Variants in SEL1L2 observed in about 807,000 individuals in gnomAD.
SEL1L2 encodes protein sel-1 homolog 2.
SEL1L2 carries 89 observed loss-of-function variants against 98.8 expected under a neutral mutation model. That is an observed-to-expected ratio of 0.90 (90% CI 0.76 to 1.07). The LOEUF (loss-of-function observed/expected upper bound fraction) is 1.07. SEL1L2 is among the 50% of genes least tolerant of loss of function. SEL1L2 has a pLI of 0.00. For missense variants in SEL1L2, 788 were observed against 812.0 expected, an observed-to-expected ratio of 0.97 and a Z score of 0.36; for synonymous variants, 262 against 278.5, an observed-to-expected ratio of 0.94 and a Z score of 0.59.
intron 2 of SEL1L2, among the ~76,000 whole-genome samples, chr20:13,946,721 T>C (rs2050028851): frequency 6.6e-6 from 1 of 152,192 alleles, no homozygotes; most frequent in South Asian, 2.1e-4. Context: ...ATCCCTGTGC[T>C]CTTGGGGCGA....
At chr20:13,886,660 G>A (rs1480266372) in intron 8 of SEL1L2, among the ~76,000 whole-genome samples, 1 of 152,092 alleles carries the variant, frequency 6.6e-6, no homozygotes, top group Non-Finnish European at 1.5e-5. Context: ...GGCAGAGGCG[G>A]GCAAATCACT....
chr20:13,988,436 A>C (rs1165785261), intron 1 of SEL1L2, among the ~76,000 whole-genome samples: 1 of 152,006 alleles, frequency 6.6e-6, no homozygotes, highest in African/African-American at 2.4e-5. Context: ...CTCCTCCTGC[A>C]CCTCCCACAC....
At chr20:13,990,012 T>C (rs907936935) in intron 1 of SEL1L2, among the ~76,000 whole-genome samples, 3 of 152,292 alleles carry the variant, frequency 2.0e-5, no homozygotes, top group East Asian at 3.9e-4. Context: ...CATTTTCAGA[T>C]AGTAACTATT....
At position 13,990,471 on chromosome 20, in the gene SEL1L2, A is replaced by C. The variant is rs1180213004; in HGVS notation, c.58+6T>G. 4.4e-6 allele frequency: 7 copies of C among 1,605,060 alleles called. No individual in the cohort carries two copies. In the South Asian group the frequency reaches 5.5e-5, roughly 13 times the overall value. ...CATAGAGAACTCTAAGGACAAAAAA[A>C]CTTACTTTTAATTGTGACCCCAAGA... is the stretch of plus-strand genomic sequence containing the variant. On this transcript the variant is annotated splice_donor_region_variant and intron_variant, in intron 1 of 19. Coordinates refer to ENST00000284951, the MANE Select transcript of SEL1L2 (RefSeq NM_025229.2).
chr20:13,956,022 G>A, intron 2 of SEL1L2, 54 bp downstream of exon 2: 1 of 938,942 alleles, frequency 1.1e-6, no homozygotes, highest in Non-Finnish European at 1.7e-6. Context: ...AAAAACTAGT[G>A]CCTATAGCCT....
At chr20:13,928,695 A>G (rs776518482) in intron 3 of SEL1L2, among the ~76,000 whole-genome samples, 1 of 152,228 alleles carries the variant, frequency 6.6e-6, no homozygotes, top group Non-Finnish European at 1.5e-5. Flanking sequence ...AATGACAGAA[A>G]GCTAGGAGAG....
intron 1 of SEL1L2, among the ~76,000 whole-genome samples, chr20:13,974,759 C>A (rs1169541496): frequency 6.6e-6 from 1 of 152,130 alleles, no homozygotes; most frequent in East Asian, 1.9e-4. Context: ...TGAGCCACTG[C>A]ACCAGGGCTC....
intron 1 of SEL1L2, among the ~76,000 whole-genome samples, chr20:13,989,320 T>C (rs1279406154): frequency 6.6e-6 from 1 of 152,218 alleles, no homozygotes; most frequent in Admixed American, 6.5e-5. Context: ...TTTGTATTTA[T>C]CCTGCATTTG....
intron 18 of SEL1L2, among the ~76,000 whole-genome samples, chr20:13,851,001 C>T (rs575016690): frequency 1.3e-5 from 2 of 152,198 alleles, no homozygotes; most frequent in South Asian, 4.2e-4. Flanking sequence ...CTTTGGGAGG[C>T]CAAGGCAGGT....
chr20:13,951,296 A>AG (rs1555894195), intron 2 of SEL1L2, among the ~76,000 whole-genome samples: 3 of 12,506 alleles, frequency 2.4e-4, no homozygotes, highest in African/African-American at 5.3e-4. Flanking sequence ...AAAAAAAAAA[A>AG]AAAGAAAGAA....
At chr20:13,995,324 CCA>C (rs1253306904), upstream of SEL1L2, 3 of 265,992 alleles carry the variant, frequency 1.1e-5, no homozygotes, top group Admixed American at 5.7e-5. This position sits in a 1 kb window ranked among gnomAD's most constrained non-coding sequence, Gnocchi z 4.3. Context: ...TCCGCCCCCT[CCA>C]GCTCCCTAGC....
intron 10 of SEL1L2, among the ~76,000 whole-genome samples, chr20:13,880,116 T>C (rs1417679570): frequency 2.0e-5 from 3 of 152,248 alleles, no homozygotes; most frequent in Non-Finnish European, 4.4e-5. Context: ...TGTATGAATG[T>C]CTATCCATCT....
At chr20:13,914,223 C>A (rs2327807) in intron 4 of SEL1L2, among the ~76,000 whole-genome samples, 14,661 of 152,072 alleles carry the variant, frequency 0.096, 794 homozygotes, top group East Asian at 0.15. Context: ...ATAAGATACA[C>A]CATCTTATAC....
At chr20:13,982,290 C>T (rs1170133898) in intron 1 of SEL1L2, among the ~76,000 whole-genome samples, 1 of 151,860 alleles carries the variant, frequency 6.6e-6, no homozygotes, top group Non-Finnish European at 1.5e-5. Flanking sequence ...GCAGGAGGAT[C>T]GTTTGAGCTC....
At chr20:13,963,996 C>A (rs1000532609) in intron 1 of SEL1L2, among the ~76,000 whole-genome samples, 1 of 151,832 alleles carries the variant, frequency 6.6e-6, no homozygotes, top group African/African-American at 2.4e-5. Flanking sequence ...TTCAGCCTCC[C>A]GAGTAGTTGG....
At chr20:13,860,169 C>T (rs1989872481) in intron 17 of SEL1L2, among the ~76,000 whole-genome samples, 2 of 152,178 alleles carry the variant, frequency 1.3e-5, no homozygotes, top group East Asian at 1.9e-4. Context: ...CAATCCTGTC[C>T]GCCATTCAAA....
intron 14 of SEL1L2, among the ~76,000 whole-genome samples, chr20:13,869,021 C>T (rs77047096): frequency 3.3e-5 from 5 of 151,724 alleles, no homozygotes; most frequent in East Asian, 1.9e-4. Flanking sequence ...TTCCCTATTC[C>T]GCTGAGCTTG....
intron 2 of SEL1L2, among the ~76,000 whole-genome samples, chr20:13,940,921 A>G (rs2049746167): frequency 6.6e-6 from 1 of 152,220 alleles, no homozygotes; most frequent in African/African-American, 2.4e-5. Context: ...GAGTGGGAGC[A>G]GGAAGAACAG....
intron 12 of SEL1L2, among the ~76,000 whole-genome samples, chr20:13,872,637 GGAA>G (rs1456306599): frequency 6.6e-6 from 1 of 152,126 alleles, no homozygotes; most frequent in East Asian, 1.9e-4. Flanking sequence ...AAGGAGGGAA[GGAA>G]GAAGGGAGAG....
Sources: gnomAD v4.1 joint callset for allele counts (sites outside exome capture counted in the v4.1 genomes callset) on GRCh38, gnomAD v4.1.1 for gene constraint, Gnocchi (gnomAD v3.1) non-coding constraint, MANE v1.5 for transcripts, NCBI Gene and HGNC (gene_info 2026-07-23, HGNC 2026-07-21) for gene names.